The following RBMS3 variants were observed in gnomAD, a reference collection of about 807,000 sequenced individuals.
RBMS3 encodes RNA-binding motif, single-stranded-interacting protein 3.
A neutral mutation model predicts 66.8 loss-of-function variants in RBMS3; 27 were observed. The ratio of observed to expected loss-of-function variants is 0.40; its 90% CI spans 0.30 to 0.56. The LOEUF is 0.56. RBMS3 is among the 20% of genes least tolerant of loss of function. RBMS3 has a pLI of 0.40. For missense variants in RBMS3, 513 were observed against 549.5 expected (o/e 0.93, Z 0.66); for synonymous variants, 188 against 183.0 (o/e 1.03, Z -0.22).
chr3:29,369,487 A>AACACACAC (rs59274434), intron 1 of RBMS3, among the ~76,000 whole-genome samples: 2,754 of 135,262 alleles, frequency 0.02, 35 homozygotes, highest in East Asian at 0.062. Flanking sequence ...ATCACTCCTT[A>AACACACAC]ACACACACAC....
chr3:29,291,674 A>G (rs1021737158), intron 1 of RBMS3, among the ~76,000 whole-genome samples: 3 of 151,856 alleles, frequency 2.0e-5, no homozygotes, highest in South Asian at 2.1e-4. Flanking sequence ...TTTTATATGT[A>G]TTAAAACTGA....
rs144043209 is a variant in RBMS3, at chr3:29,574,415, C to CT, written c.308-12690dup. ...TTTGGTTTTCATTGTCATGGAATGT[C>CT]TTTTTTTTTCCATCCCTTTATTTTC... On this transcript the variant is annotated intron_variant, in intron 3 of 14. Transcript: ENST00000383767. Among the ~76,000 whole-genome samples the CT allele has an allele frequency of 6.8e-3, 1,023 of 151,062 alleles. 28 individuals carry two copies. The highest frequency in any genetic ancestry group is 0.054 in the Admixed American group (817 of 15,144).
chr3:29,324,846 C>A (rs183091624), intron 1 of RBMS3, among the ~76,000 whole-genome samples: 21 of 152,158 alleles, frequency 1.4e-4, no homozygotes, highest in Non-Finnish European at 2.5e-4. Flanking sequence ...TCTCCTTCCT[C>A]TCCTCTTCCT....
intron 6 of RBMS3, among the ~76,000 whole-genome samples, chr3:29,782,789 A>G (rs984070158): frequency 6.6e-6 from 1 of 152,170 alleles, no homozygotes; most frequent in Non-Finnish European, 1.5e-5. Flanking sequence ...AACACGTTAC[A>G]GGATATGAAA....
At chr3:29,427,462 A>C (rs745327985) in intron 1 of RBMS3, among the ~76,000 whole-genome samples, 15 of 152,218 alleles carry the variant, frequency 9.9e-5, no homozygotes, top group Non-Finnish European at 2.1e-4. Flanking sequence ...CGTTGTGTTC[A>C]CACTAGAGGA....
chr3:29,394,671 C>T (rs557745176), intron 1 of RBMS3, among the ~76,000 whole-genome samples: 11 of 152,270 alleles, frequency 7.2e-5, no homozygotes, highest in African/African-American at 2.2e-4. Flanking sequence ...CAGCTTCAGC[C>T]GGTACCTCCT....
At chr3:29,532,265 T>TATATATAC (rs1186039884) in intron 3 of RBMS3, among the ~76,000 whole-genome samples, 10 of 139,884 alleles carry the variant, frequency 7.1e-5, no homozygotes, top group Non-Finnish European at 1.4e-4. Context: ...TATATATGTA[T>TATATATAC]ATATATATAT....
At chr3:29,488,631 C>A in intron 3 of RBMS3, 132 bp downstream of exon 3, 2 of 625,868 alleles carry the variant, frequency 3.2e-6, no homozygotes, top group South Asian at 3.6e-5. Context: ...TTTAATGATG[C>A]CAATGTTTTG....
chr3:29,694,660 G>GGT (rs2052181942), intron 4 of RBMS3, among the ~76,000 whole-genome samples: 1 of 151,862 alleles, frequency 6.6e-6, no homozygotes, highest in Non-Finnish European at 1.5e-5. Context: ...GAATTTCTAG[G>GGT]TATTTCAGGA....
intron 3 of RBMS3, among the ~76,000 whole-genome samples, chr3:29,535,787 G>C (rs768753046): frequency 2.4e-4 from 30 of 126,526 alleles, no homozygotes; most frequent in Admixed American, 4.0e-4. Flanking sequence ...AGGTATTCAG[G>C]ATGGTGAGTT....
At chr3:29,512,724 A>G (rs1453277239) in intron 3 of RBMS3, among the ~76,000 whole-genome samples, 1 of 152,188 alleles carries the variant, frequency 6.6e-6, no homozygotes, top group Non-Finnish European at 1.5e-5. Context: ...TTCCTTGTAG[A>G]TCAATCTGGG....
At chr3:29,435,007 TG>T (rs1575806707) in intron 2 of RBMS3, 92 bp downstream of exon 2, 17 of 1,290,104 alleles carry the variant, frequency 1.3e-5, no homozygotes, top group Non-Finnish European at 1.8e-5. Context: ...ACTCATCCAC[TG>T]GTGTCTCAGT....
At chr3:29,670,176 A>C (rs1446441506) in intron 4 of RBMS3, among the ~76,000 whole-genome samples, 1 of 152,128 alleles carries the variant, frequency 6.6e-6, no homozygotes, top group Non-Finnish European at 1.5e-5. Context: ...TTATGGGTTA[A>C]ATGGCGTTCT....
At chr3:29,787,687 A>G (rs572743744) in intron 6 of RBMS3, among the ~76,000 whole-genome samples, 3 of 152,240 alleles carry the variant, frequency 2.0e-5, no homozygotes, top group South Asian at 2.1e-4. Flanking sequence ...GACTCAGGGA[A>G]AAAGGGTTGG....
chr3:29,448,993 C>A (rs931720707), intron 2 of RBMS3, among the ~76,000 whole-genome samples: 1 of 152,090 alleles, frequency 6.6e-6, no homozygotes, highest in Non-Finnish European at 1.5e-5. Context: ...AGTTGTTGAA[C>A]TAGACCTTAC....
At chr3:29,374,174 A>G (rs146550568) in intron 1 of RBMS3, among the ~76,000 whole-genome samples, 2 of 152,334 alleles carry the variant, frequency 1.3e-5, no homozygotes, top group East Asian at 3.9e-4. Context: ...GAGATCAGCA[A>G]GAAGAAGAGA....
intron 2 of RBMS3, among the ~76,000 whole-genome samples, chr3:29,438,203 A>G (rs1428412881): frequency 3.9e-5 from 6 of 152,200 alleles, no homozygotes; most frequent in Middle Eastern, 3.2e-3. Flanking sequence ...GTAGATTTAA[A>G]TGAACTTGCC....
intron 1 of RBMS3, among the ~76,000 whole-genome samples, chr3:29,282,225 A>C (rs1281809230): frequency 1.3e-5 from 2 of 152,222 alleles, no homozygotes; most frequent in African/African-American, 4.8e-5. Flanking sequence ...AGGGTATAGA[A>C]TGAAAGAAGG....
At chr3:29,448,704 T>C (rs995874172) in intron 2 of RBMS3, among the ~76,000 whole-genome samples, 3 of 152,178 alleles carry the variant, frequency 2.0e-5, no homozygotes, top group African/African-American at 4.8e-5. Context: ...AGTTTTACCA[T>C]GTAAGTCCTA....
Sources: gnomAD v4.1 joint callset for allele counts (sites outside exome capture counted in the v4.1 genomes callset) on GRCh38, gnomAD v4.1.1 for gene constraint, MANE v1.5 for transcripts, NCBI Gene and HGNC (gene_info 2026-07-23, HGNC 2026-07-21) for gene names.